ST3GAL5: variants seen among roughly 807,000 people sequenced by gnomAD.
ST3GAL5 encodes lactosylceramide alpha-2,3-sialyltransferase.
Under a neutral mutation model 46.1 loss-of-function variants are expected in ST3GAL5, and 25 were observed. The ratio of observed to expected loss-of-function variants is 0.54; its 90% CI spans 0.40 to 0.76. The LOEUF (loss-of-function observed/expected upper bound fraction) is 0.76, where lower values mean the gene tolerates loss of function less well. ST3GAL5 is among the 30% of genes least tolerant of loss of function. The pLI, the probability that ST3GAL5 is intolerant of heterozygous loss-of-function variation, is 0.00. For synonymous variants in ST3GAL5, 182 were observed against 192.7 expected, an observed-to-expected ratio of 0.94 and a Z score of 0.46; for missense variants, 431 against 521.2, an observed-to-expected ratio of 0.83 and a Z score of 1.69.
intron 1 of ST3GAL5, among the ~76,000 whole-genome samples, chr2:85,883,550 G>C (rs1687423352): frequency 6.6e-6 from 1 of 152,198 alleles, no homozygotes; most frequent in South Asian, 2.1e-4. Flanking sequence ...TTTCTGCCCA[G>C]GCCTGAATAG....
chr2:85,857,536 C>CAAAAA (rs369873432), intron 3 of ST3GAL5, among the ~76,000 whole-genome samples: 1 of 73,366 alleles, frequency 1.4e-5, no homozygotes. Flanking sequence ...GACTCCGTCT[C>CAAAAA]AAAAAAAAAA....
intron 1 of ST3GAL5, among the ~76,000 whole-genome samples, chr2:85,877,536 A>G (rs777531707): frequency 1.4e-4 from 22 of 152,254 alleles, no homozygotes; most frequent in Non-Finnish European, 3.1e-4. Context: ...TTCTCAAAGC[A>G]CTTCTCAGGA....
chr2:85,845,697 C>T (rs1266286772), intron 5 of ST3GAL5: 1 of 138,118 alleles, frequency 7.2e-6, no homozygotes, highest in Non-Finnish European at 1.6e-5. Context: ...ATGGTACTTT[C>T]CGATTTCAAC....
intron 2 of ST3GAL5, among the ~76,000 whole-genome samples, chr2:85,863,020 T>C (rs1222301092): frequency 2.6e-5 from 4 of 152,190 alleles, no homozygotes; most frequent in Admixed American, 6.5e-5. Flanking sequence ...AACCATATTT[T>C]AGATTAACTT....
Position 85,888,949 on chromosome 2 carries a change from GC to G in ST3GAL5, c.-45del. 2 of 1,246,636 alleles carry G rather than the reference GC, an allele frequency of 1.6e-6. No homozygotes were observed. Among genetic ancestry groups the G allele is most frequent in the South Asian group, 4.8e-5 (2 of 41,256 alleles). 77.2% of individuals were successfully genotyped at this position (1,246,636 alleles called of 1,614,324 possible). On this transcript the variant is annotated 5_prime_UTR_variant, in exon 1 of 7. It removes the in-frame stop codon of an upstream open reading frame in the 5' UTR. Transcript: ENST00000638572. ...GCCGGCCGCCAGCCCGGTACCCCGC[GC>G]CCCCACCCGCCCCCAGCGCCGCTCT...
chr2:85,881,191 G>C (rs1687107825), intron 1 of ST3GAL5, among the ~76,000 whole-genome samples: 1 of 152,200 alleles, frequency 6.6e-6, no homozygotes, highest in Admixed American at 6.5e-5. Context: ...CCTCTACCAT[G>C]ATTGTGAGAC....
Position 85,846,578 on chromosome 2 carries a change from A to G in ST3GAL5, c.663-15T>C. Reference sequence around the variant, plus strand: ...CACTGTTTAACCTATTTAAATAAAAAGGACAAAGACACACTGACAAAGCAG... The same window carrying G: ...CACTGTTTAACCTATTTAAATAAAAGGGACAAAGACACACTGACAAAGCAG... On this transcript the variant is annotated splice_polypyrimidine_tract_variant and intron_variant, in intron 4 of 6. Coordinates refer to ENST00000638572, the MANE Select transcript of ST3GAL5 (RefSeq NM_003896.4). 1.9e-6 allele frequency: 3 copies of G among 1,613,678 alleles called. No individual in the cohort carries two copies. The highest frequency in any genetic ancestry group is 2.5e-6 in the Non-Finnish European group (3 of 1,179,770).
intron 1 of ST3GAL5, among the ~76,000 whole-genome samples, chr2:85,883,186 G>A (rs4446072): frequency 0.74 from 112,295 of 152,026 alleles, 41,795 homozygotes; most frequent in East Asian, 0.99. Flanking sequence ...CTTGAATTGT[G>A]TCTCCCAGAA....
intron 3 of ST3GAL5, among the ~76,000 whole-genome samples, chr2:85,856,969 C>A (rs530793484): frequency 6.7e-6 from 1 of 148,230 alleles, no homozygotes; most frequent in South Asian, 2.1e-4. Context: ...TCTATAATCC[C>A]AGCACTTTGG....
intron 1 of ST3GAL5, among the ~76,000 whole-genome samples, chr2:85,882,217 T>G (rs1687235252): frequency 6.6e-6 from 1 of 152,182 alleles, no homozygotes. Context: ...GGGGACCTCA[T>G]GGAGAACCTC....
chr2:85,870,604 G>C (rs946852151), intron 1 of ST3GAL5, among the ~76,000 whole-genome samples: 1 of 151,996 alleles, frequency 6.6e-6, no homozygotes, highest in Admixed American at 6.5e-5. Flanking sequence ...AAATGTAACA[G>C]ATTCTTCTTA....
intron 1 of ST3GAL5, among the ~76,000 whole-genome samples, chr2:85,879,566 T>G (rs1219538216): frequency 1.3e-5 from 2 of 152,176 alleles, no homozygotes; most frequent in African/African-American, 2.4e-5. Flanking sequence ...GGTGGGCCTG[T>G]GTGACAGCAC....
intron 1 of ST3GAL5, among the ~76,000 whole-genome samples, chr2:85,878,256 A>C (rs1686786174): frequency 6.6e-6 from 1 of 152,250 alleles, no homozygotes; most frequent in Non-Finnish European, 1.5e-5. Context: ...GAAATTTCAG[A>C]AAATAATATA....
At chr2:85,846,850 G>T in intron 4 of ST3GAL5, 2 of 317,580 alleles carry the variant, frequency 6.3e-6, no homozygotes, top group East Asian at 5.9e-5. Flanking sequence ...ACTTTCTCTG[G>T]GTGCCAGTAA....
chr2:85,841,720 A>T (rs550727819), intron 6 of ST3GAL5, among the ~76,000 whole-genome samples: 1 of 152,226 alleles, frequency 6.6e-6, no homozygotes, highest in African/African-American at 2.4e-5. Flanking sequence ...TAGAATCTCC[A>T]TTGTCTAAAC....
intron 3 of ST3GAL5, 116 bp from the exon 4 acceptor site, chr2:85,848,320 C>G (rs751100193): frequency 1.2e-6 from 2 of 1,605,228 alleles, no homozygotes; most frequent in South Asian, 2.2e-5. Flanking sequence ...TGATTACTGT[C>G]TTTTAACACA....
intron 4 of ST3GAL5, chr2:85,847,492 G>C: frequency 1.9e-6 from 2 of 1,040,852 alleles, no homozygotes; most frequent in Non-Finnish European, 2.3e-6. Flanking sequence ...TTGTGGGCAG[G>C]GACTGTGAAG....
intron 1 of ST3GAL5, among the ~76,000 whole-genome samples, chr2:85,868,976 G>A (rs913463241): frequency 1.3e-5 from 2 of 152,104 alleles, no homozygotes; most frequent in South Asian, 2.1e-4. Flanking sequence ...GAGTGTTCAC[G>A]TAGCCATAGG....
intron 1 of ST3GAL5, among the ~76,000 whole-genome samples, chr2:85,883,066 T>C (rs1365334890): frequency 6.6e-6 from 1 of 152,050 alleles, no homozygotes; most frequent in Admixed American, 6.5e-5. Flanking sequence ...AGCTAAGACT[T>C]TGGGTGAGTG....
Sources: gnomAD v4.1 joint callset for allele counts (sites outside exome capture counted in the v4.1 genomes callset) on GRCh38, gnomAD v4.1.1 for gene constraint, MANE v1.5 for transcripts, NCBI Gene and HGNC (gene_info 2026-07-23, HGNC 2026-07-21) for gene names.